The following ZFP82 variants were observed in gnomAD, a reference collection of about 807,000 sequenced individuals.
ZFP82 encodes the protein ZFP82 zinc finger protein.
A neutral mutation model predicts 54.0 loss-of-function variants in ZFP82; 30 were observed. That is an observed-to-expected ratio of 0.56 (90% CI 0.42 to 0.75). ZFP82 has a LOEUF of 0.75. ZFP82 is among the 30% of genes least tolerant of loss of function. The probability of loss-of-function intolerance (pLI) is 0.00; values close to 1 mark genes in which losing one functional copy is unlikely to be tolerated. For missense variants in ZFP82, 500 were observed against 636.8 expected (o/e 0.79, Z 2.31); for synonymous variants, 194 against 209.5 (o/e 0.93, Z 0.64).
intron 1 of ZFP82, among the ~76,000 whole-genome samples, chr19:36,417,395 T>TATC (rs898929130): frequency 4.7e-4 from 71 of 152,278 alleles, no homozygotes; most frequent in African/African-American, 1.7e-3. Context: ...GGGACCTAGG[T>TATC]ATCAGCTCAA....
intron 4 of ZFP82, 109 bp from the exon 5 acceptor site, chr19:36,394,219 A>G (rs769396584): frequency 1.9e-4 from 190 of 1,025,390 alleles, no homozygotes; most frequent in Non-Finnish European, 2.5e-4. Flanking sequence ...CCAAAACTCT[A>G]AAATATTGTT....
chr19:36,412,752 C>A (rs1383733353), intron 1 of ZFP82, among the ~76,000 whole-genome samples: 6 of 152,296 alleles, frequency 3.9e-5, no homozygotes, highest in African/African-American at 1.4e-4. Flanking sequence ...AAATCCATTA[C>A]CCCACAGGAA....
At chr19:36,412,671 A>T (rs1276228260) in intron 1 of ZFP82, among the ~76,000 whole-genome samples, 3 of 152,224 alleles carry the variant, frequency 2.0e-5, no homozygotes, top group African/African-American at 7.2e-5. Flanking sequence ...GGAGCTGCTG[A>T]ATCTTCTTGT....
chr19:36,392,021 AGGGGCTCAGCT>A lies in ZFP82; in HGVS notation c.*709_*719del, dbSNP rs1173011498. ...TTTTTGTGGGTCAGAAATTTGGGCC[AGGGGCTCAGCT>A]GGTCAATTCTTCCATTCTACATGGC... On this transcript the variant is annotated 3_prime_UTR_variant, in exon 5 of 5. Coordinates refer to ENST00000392161, the MANE Select transcript of ZFP82 (RefSeq NM_133466.4). The A allele has an allele frequency of 6.6e-6, 1 of 150,734 alleles. No homozygotes were observed. Among genetic ancestry groups the A allele is most frequent in the African/African-American group, 2.4e-5 (1 of 40,930 alleles). 9.3% of individuals were successfully genotyped at this position (150,734 alleles called of 1,614,324 possible).
chr19:36,409,876 A>T lies in ZFP82; in HGVS notation c.-78-9T>A. The T allele has an allele frequency of 1.4e-6, 2 of 1,427,270 alleles. No homozygotes were observed. Among genetic ancestry groups the T allele is most frequent in the South Asian group, 1.2e-5 (1 of 86,046 alleles). 88.4% of individuals were successfully genotyped at this position (1,427,270 alleles called of 1,614,324 possible). ...AGTCCACAGAGGCTGATCTAGGGAGAGGAAAACAAGGCCATGAGATCAGAT... is the reference window on the plus strand; with the variant it reads ...AGTCCACAGAGGCTGATCTAGGGAGTGGAAAACAAGGCCATGAGATCAGAT... On this transcript the variant is annotated splice_polypyrimidine_tract_variant and intron_variant, in intron 1 of 4. Transcript: ENST00000392161.
At chr19:36,399,309 G>A (rs550916464) in intron 4 of ZFP82, among the ~76,000 whole-genome samples, 3 of 152,306 alleles carry the variant, frequency 2.0e-5, no homozygotes, top group Non-Finnish European at 2.9e-5. Context: ...AGCTAAGGGT[G>A]CCCCACCAAG....
chr19:36,414,113 C>T (rs1304871774), intron 1 of ZFP82, among the ~76,000 whole-genome samples: 2 of 151,782 alleles, frequency 1.3e-5, no homozygotes, highest in African/African-American at 4.8e-5. Context: ...TGTTAGCCAA[C>T]ATAGTCTCGA....
intron 4 of ZFP82, among the ~76,000 whole-genome samples, chr19:36,402,830 C>T (rs1291047381): frequency 6.6e-6 from 1 of 150,784 alleles, no homozygotes; most frequent in East Asian, 2.0e-4. Flanking sequence ...CCCATCTCTA[C>T]TAAAAATATA....
chr19:36,392,566 T>G lies in ZFP82; in HGVS notation c.*175A>C. ...TTTCATTCTTATAACAGGATTAGTT[T>G]TTAGAACAAATATGCTGAAGTTTCA... On this transcript the variant is annotated 3_prime_UTR_variant, in exon 5 of 5. Coordinates refer to ENST00000392161, the MANE Select transcript of ZFP82 (RefSeq NM_133466.4). 1.8e-6 allele frequency: 1 copy of G among 569,788 alleles called. No homozygotes were observed. Among genetic ancestry groups the G allele is most frequent in the Non-Finnish European group, 2.9e-6 (1 of 340,852 alleles). 35.3% of individuals were successfully genotyped at this position (569,788 alleles called of 1,614,324 possible). A position where few individuals can be genotyped will look rare whatever the true frequency, so the allele number is the denominator to read the frequency against.
In ZFP82 at chr19:36,392,498, G is replaced by A. The variant is rs2032216363; in HGVS notation, c.*243C>T. 2.3e-6 allele frequency: 1 copy of A among 433,266 alleles called. No individual in the cohort carries two copies. Among genetic ancestry groups the A allele is most frequent in the South Asian group, 4.8e-5 (1 of 21,042 alleles). The allele number at this position is 433,266 out of a possible 1,614,324, so 26.8% of individuals were successfully genotyped here. ...ACAGAGCAGTTAAGCGTCTTGTCCA[G>A]TATGACACAAAGTGATGGGATAGGG... On this transcript the variant is annotated 3_prime_UTR_variant, in exon 5 of 5. Coordinates refer to ENST00000392161, the MANE Select transcript of ZFP82 (RefSeq NM_133466.4).
intron 1 of ZFP82, among the ~76,000 whole-genome samples, chr19:36,410,991 G>A (rs554581791): frequency 8.6e-5 from 13 of 151,654 alleles, no homozygotes; most frequent in Non-Finnish European, 1.3e-4. Flanking sequence ...TCAGGAGTTC[G>A]AGACCAGCCT....
chr19:36,401,161 G>A (rs1401095726), intron 4 of ZFP82, among the ~76,000 whole-genome samples: 1 of 151,106 alleles, frequency 6.6e-6, no homozygotes, highest in Non-Finnish European at 1.5e-5. Context: ...AGTGACCCAT[G>A]AGTCAGTTCT....
At chr19:36,397,020 A>G (rs1299391980) in intron 4 of ZFP82, among the ~76,000 whole-genome samples, 1 of 152,194 alleles carries the variant, frequency 6.6e-6, no homozygotes, top group African/African-American at 2.4e-5. Context: ...GTAAAGCAGA[A>G]GAAAAATATT....
chr19:36,405,848 AGG>A (rs780689704), intron 3 of ZFP82, among the ~76,000 whole-genome samples, 176 bp from the exon 4 acceptor site: 28 of 152,212 alleles, frequency 1.8e-4, no homozygotes, highest in Non-Finnish European at 3.8e-4. Context: ...GAGACTAGAG[AGG>A]GAATGAAAAA....
chr19:36,405,779 C>A, intron 3 of ZFP82, 107 bp from the exon 4 acceptor site: 2 of 622,706 alleles, frequency 3.2e-6, no homozygotes, highest in Non-Finnish European at 5.1e-6. Flanking sequence ...ATTAATAAGG[C>A]AAAACAAATA....
chr19:36,414,768 T>C (rs1051604474), intron 1 of ZFP82, among the ~76,000 whole-genome samples: 1 of 151,984 alleles, frequency 6.6e-6, no homozygotes, highest in Admixed American at 6.6e-5. Flanking sequence ...AGGGACACCA[T>C]TCCATATCAT....
intron 4 of ZFP82, among the ~76,000 whole-genome samples, chr19:36,401,261 A>T (rs2032380158): frequency 1.3e-5 from 2 of 152,216 alleles, no homozygotes; most frequent in South Asian, 2.1e-4. Context: ...ACCAGGCTGT[A>T]ATCGCTCCAA....
rs145895880 is a variant in ZFP82, at chr19:36,390,014, C to T, written c.*2727G>A. 2.0e-5 allele frequency among the ~76,000 whole-genome samples: 3 copies of T among 152,290 alleles called. No individual in the cohort carries two copies. Among genetic ancestry groups the T allele is most frequent in the African/African-American group, 7.2e-5 (3 of 41,562 alleles). The stretch of plus-strand genomic sequence containing the variant: ...AATCCTAAGCTTACCAGTGTGCCTA[C>T]CCCTGCCTTGTCCATTCCTTCCCAT... On this transcript the variant is annotated 3_prime_UTR_variant, in exon 5 of 5. Transcript: ENST00000392161.
At chr19:36,408,781 C>T (rs567923002) in intron 2 of ZFP82, among the ~76,000 whole-genome samples, 1 of 152,098 alleles carries the variant, frequency 6.6e-6, no homozygotes, top group South Asian at 2.1e-4. Flanking sequence ...CACACCATTG[C>T]ACTCCAGCCT....
Sources: gnomAD v4.1 joint callset for allele counts (sites outside exome capture counted in the v4.1 genomes callset) on GRCh38, gnomAD v4.1.1 for gene constraint, MANE v1.5 for transcripts, NCBI Gene and HGNC (gene_info 2026-07-23, HGNC 2026-07-21) for gene names.